C6orf62: variants seen among roughly 807,000 people sequenced by gnomAD.
The protein encoded by C6orf62 is chromosome 6 open reading frame 62.
C6orf62 carries 16 observed loss-of-function variants against 26.8 expected under a neutral mutation model. The observed-to-expected ratio is 0.60, with a 90% CI of 0.40 to 0.91. The LOEUF (loss-of-function observed/expected upper bound fraction) is 0.91, where lower values mean the gene tolerates loss of function less well. Among genes scored for constraint, C6orf62 ranks in the 40% least tolerant of loss-of-function variants. The pLI is 0.00. For synonymous variants in C6orf62, 112 were observed against 91.5 expected (o/e 1.22, Z -1.28); for missense variants, 192 against 271.4 (o/e 0.71, Z 2.06).
intron 3 of C6orf62, chr6:24,710,203 T>G (rs947534022): frequency 2.0e-6 from 2 of 985,164 alleles, no homozygotes; most frequent in East Asian, 2.3e-4. Flanking sequence ...TACAGCCAAA[T>G]ATAAAACCCA....
chr6:24,718,500 A>C (rs755703162), intron 1 of C6orf62, 40 bp downstream of exon 1: 4 of 1,540,628 alleles, frequency 2.6e-6, no homozygotes, highest in South Asian at 2.3e-5. Flanking sequence ...CACTTACAAA[A>C]ATTACTTGTG....
At chr6:24,708,674 AGT>A in intron 4 of C6orf62, 101 bp downstream of exon 4, 4 of 1,441,154 alleles carry the variant, frequency 2.8e-6, no homozygotes, top group Admixed American at 3.9e-5. Context: ...AAAATAATGC[AGT>A]GTTTGGGGGA....
intron 3 of C6orf62, among the ~76,000 whole-genome samples, chr6:24,713,263 A>G (rs970575549): frequency 2.6e-5 from 4 of 152,258 alleles, no homozygotes; most frequent in Non-Finnish European, 4.4e-5. Context: ...TCGAACCATT[A>G]TAAGTCAGGG....
chr6:24,720,145 T>A, upstream of C6orf62: 1 of 1,379,534 alleles, frequency 7.2e-7, no homozygotes, highest in Non-Finnish European at 9.3e-7. Flanking sequence ...GGGGGTGGAA[T>A]TGAGGCAGCT....
chr6:24,716,002 A>G (rs913484958), intron 2 of C6orf62, 146 bp downstream of exon 2: 1 of 657,458 alleles, frequency 1.5e-6, no homozygotes, highest in South Asian at 2.0e-5. Context: ...TCATGATCCC[A>G]GTTATCAACA....
chr6:24,712,913 C>G (rs1188791559), intron 3 of C6orf62, among the ~76,000 whole-genome samples: 4 of 152,260 alleles, frequency 2.6e-5, no homozygotes, highest in East Asian at 3.9e-4. Flanking sequence ...CAACAAAATC[C>G]TAACACCACC....
At chr6:24,709,615 T>G in intron 3 of C6orf62, 1 of 985,448 alleles carries the variant, frequency 1.0e-6, no homozygotes, top group African/African-American at 1.7e-5. Flanking sequence ...ATAGGCTATG[T>G]TTTTATGTGA....
chr6:24,715,504 T>C (rs1044414341), intron 2 of C6orf62, among the ~76,000 whole-genome samples: 4 of 152,210 alleles, frequency 2.6e-5, no homozygotes, highest in Non-Finnish European at 5.9e-5. Context: ...AAAACAAACC[T>C]ACTTCAAAAA....
At position 24,718,663 on chromosome 6, in the gene C6orf62, C is replaced by T. The variant is rs752477908; in HGVS notation, c.6G>A (p.Gly2=). M[G]DPNSRKKQAL... ...CTTGTTTCTTCCGGGAGTTTGGGTC[C>T]CCCATTTTGAAATACAGGTGGTACT... The change falls in exon 1 of 5, where the codon GGG becomes GGA. Residue 2 remains glycine (G), a synonymous_variant. Coordinates refer to ENST00000378119, the MANE Select transcript of C6orf62 (RefSeq NM_030939.5). 51 of 1,613,592 alleles carry T rather than the reference C, an allele frequency of 3.2e-5. No individual in the cohort carries two copies. The Admixed American group carries it at 8.3e-4, about 26-fold the overall frequency.
upstream of C6orf62, chr6:24,719,852 C>T (rs1424875695): frequency 8.4e-6 from 13 of 1,548,942 alleles, no homozygotes; most frequent in Non-Finnish European, 1.1e-5. Flanking sequence ...TCAGCGGCAG[C>T]GACTCACTCG....
chr6:24,712,616 A>AAGG (rs1779143736), intron 3 of C6orf62, among the ~76,000 whole-genome samples: 1 of 149,028 alleles, frequency 6.7e-6, no homozygotes, highest in Non-Finnish European at 1.5e-5. Context: ...CAGAGGTTGC[A>AAGG]AGGAGGAGGA....
chr6:24,716,899 T>G (rs1437241067), intron 1 of C6orf62, among the ~76,000 whole-genome samples: 1 of 152,012 alleles, frequency 6.6e-6, no homozygotes, highest in African/African-American at 2.4e-5. Context: ...AATTTTTGTA[T>G]TTTCAGTAGA....
intron 3 of C6orf62, among the ~76,000 whole-genome samples, chr6:24,711,302 C>A (rs560274851): frequency 4.1e-4 from 62 of 151,974 alleles, no homozygotes; most frequent in Non-Finnish European, 8.2e-4. Context: ...AGAAGTAATT[C>A]CCACAGAAGT....
intron 1 of C6orf62, among the ~76,000 whole-genome samples, chr6:24,716,851 G>A (rs541973489): frequency 6.6e-6 from 1 of 151,966 alleles, no homozygotes. Context: ...AGCCTCTCGA[G>A]TAGCTGGGAT....
At chr6:24,713,492 C>T (rs972223437) in intron 3 of C6orf62, among the ~76,000 whole-genome samples, 1 of 152,068 alleles carries the variant, frequency 6.6e-6, no homozygotes, top group Non-Finnish European at 1.5e-5. Flanking sequence ...TTTTAAATGA[C>T]AAATAATCCT....
intron 3 of C6orf62, among the ~76,000 whole-genome samples, chr6:24,710,742 T>C (rs1008684800): frequency 6.6e-6 from 1 of 152,146 alleles, no homozygotes; most frequent in African/African-American, 2.4e-5. Flanking sequence ...CTCAGACCTA[T>C]AATCCCAGCA....
At chr6:24,720,293 G>A, upstream of C6orf62, 4 of 1,310,296 alleles carry the variant, frequency 3.1e-6, no homozygotes, top group Non-Finnish European at 3.9e-6. Context: ...AGAGGCGGCG[G>A]CGGCGGGGGC....
chr6:24,719,261 C>G (rs896358107), upstream of C6orf62: 21 of 988,226 alleles, frequency 2.1e-5, no homozygotes, highest in African/African-American at 3.7e-4. Context: ...ACCCAGCCAG[C>G]TCCATGGCTG....
At chr6:24,710,899 G>A (rs1451726020) in intron 3 of C6orf62, among the ~76,000 whole-genome samples, 1 of 152,024 alleles carries the variant, frequency 6.6e-6, no homozygotes, top group Non-Finnish European at 1.5e-5. Context: ...GGTTGAGGTG[G>A]GAGGATCACT....
Sources: allele counts gnomAD v4.1 joint callset (sites outside exome capture counted in the v4.1 genomes callset), GRCh38; gene constraint gnomAD v4.1.1; transcripts MANE v1.5; gene names NCBI Gene and HGNC (gene_info 2026-07-23, HGNC 2026-07-21).